Variants in PCDHGA12 observed in about 807,000 individuals in gnomAD.
The protein encoded by PCDHGA12 is protocadherin gamma-A12.
A neutral mutation model predicts 61.1 loss-of-function variants in PCDHGA12; 43 were observed. The ratio of observed to expected loss-of-function variants is 0.70; its 90% CI spans 0.55 to 0.91. The LOEUF (loss-of-function observed/expected upper bound fraction) is 0.91. Ranked by LOEUF, PCDHGA12 falls within the 40% of genes least tolerant of loss-of-function variation. PCDHGA12 has a pLI of 0.00. For missense variants in PCDHGA12, 1,236 were observed against 1,227.7 expected (o/e 1.01, Z -0.10); for synonymous variants, 520 against 542.9 (o/e 0.96, Z 0.59).
intron 1 of PCDHGA12, among the ~76,000 whole-genome samples, chr5:141,460,653 G>A (rs10058370): frequency 0.17 from 25,559 of 151,914 alleles, 2,196 homozygotes; most frequent in South Asian, 0.22. Flanking sequence ...TTACACATAT[G>A]TAACTGTAAA....
rs2099183566 is a variant in PCDHGA12, at chr5:141,468,861, A to G, written c.2425-25946A>G. 3.9e-5 allele frequency among the ~76,000 whole-genome samples: 6 copies of G among 152,168 alleles called. No homozygotes were observed. In the South Asian group the frequency reaches 1.2e-3, roughly 32 times the overall value. On this transcript the variant is annotated intron_variant, in intron 1 of 3. Coordinates refer to ENST00000252085, the MANE Select transcript of PCDHGA12 (RefSeq NM_003735.3). ...AGCCTGGGCAACAGAGCGAGACTCCATCTCAAAAATAATAATAATAATAAT... is the reference window on the plus strand; with the variant it reads ...AGCCTGGGCAACAGAGCGAGACTCCGTCTCAAAAATAATAATAATAATAAT...
chr5:141,448,211 T>TA (rs2098575794), intron 1 of PCDHGA12, among the ~76,000 whole-genome samples: 1 of 152,212 alleles, frequency 6.6e-6, no homozygotes, highest in East Asian at 1.9e-4. Flanking sequence ...TTTCTGTGTG[T>TA]ATGCGAATGT....
chr5:141,482,758 T>TGC (rs1413945459), intron 1 of PCDHGA12, among the ~76,000 whole-genome samples: 74 of 141,724 alleles, frequency 5.2e-4, no homozygotes, highest in African/African-American at 9.9e-4. Flanking sequence ...ATTATGGTAT[T>TGC]TCATTATCAC....
Position 141,432,427 on chromosome 5 carries a change from C to T in PCDHGA12, c.1668C>T (p.Asn556=), listed in dbSNP as rs775150918. 2.2e-5 allele frequency: 36 copies of T among 1,614,124 alleles called. No homozygotes were observed. The highest frequency in any genetic ancestry group is 3.1e-5 in the Non-Finnish European group (36 of 1,180,044). ...VSLSLFVLDQ[N]DNAPEILYPA... ...TGAGCCTGTTCGTGCTGGACCAGAA[C>T]GACAATGCGCCCGAGATCCTGTACC... The change falls in exon 1 of 4, where the codon AAC becomes AAT. Residue 556 remains asparagine (N), a synonymous_variant. Transcript: ENST00000252085. This position sits in a 1 kb window ranked among gnomAD's most constrained non-coding sequence, Gnocchi z 6.0.
chr5:141,448,329 A>T (rs1166759766), intron 1 of PCDHGA12, among the ~76,000 whole-genome samples: 1 of 152,146 alleles, frequency 6.6e-6, no homozygotes, highest in Non-Finnish European at 1.5e-5. Context: ...TTGAATCTTT[A>T]TAGCCATGTA....
rs1370450155 is a variant in PCDHGA12, at chr5:141,431,480, G to T, written c.721G>T (p.Ala241Ser). Residue 241 changes from alanine to serine, a missense_variant, in exon 1 of 4, where the codon GCG (alanine) becomes TCG (serine). Physicochemically the swap from Ala to Ser is moderately conservative, Grantham distance 99. Coordinates refer to ENST00000252085, the MANE Select transcript of PCDHGA12 (RefSeq NM_003735.3). This position sits in a 1 kb window ranked among gnomAD's most constrained non-coding sequence, Gnocchi z 4.8. Reference sequence around the variant, plus strand: ...TCTGGATGCGAACGACAACGCACCAGCGTTTGCTCAGCCCGAGTACCGCGC... The same window carrying T: ...TCTGGATGCGAACGACAACGCACCATCGTTTGCTCAGCCCGAGTACCGCGC... ...MVLDANDNAP[A>S]FAQPEYRASV... 3 of 1,613,924 alleles carry T rather than the reference G, an allele frequency of 1.9e-6. No individual in the cohort carries two copies. Among genetic ancestry groups the T allele is most frequent in the Non-Finnish European group, 2.5e-6 (3 of 1,179,990 alleles).
At chr5:141,496,602 C>A (rs981108050) in intron 2 of PCDHGA12, among the ~76,000 whole-genome samples, 5 of 152,150 alleles carry the variant, frequency 3.3e-5, no homozygotes, top group Admixed American at 1.3e-4. Flanking sequence ...TCTTAGAAGG[C>A]CCCTAAAAAG....
At chr5:141,444,492 T>C (rs1052885639) in intron 1 of PCDHGA12, among the ~76,000 whole-genome samples, 1 of 152,122 alleles carries the variant, frequency 6.6e-6, no homozygotes, top group East Asian at 1.9e-4. Context: ...TTATATTGTG[T>C]AATACTTTGC....
At position 141,491,700 on chromosome 5, in the gene PCDHGA12, G is replaced by A. The variant is rs1199177466; in HGVS notation, c.2425-3107G>A. 3.1e-6 allele frequency: 5 copies of A among 1,611,830 alleles called. No homozygotes were observed. The highest frequency in any genetic ancestry group is 4.2e-6 in the Non-Finnish European group (5 of 1,179,142). On this transcript the variant is annotated intron_variant, in intron 1 of 3. Coordinates refer to ENST00000252085, the MANE Select transcript of PCDHGA12 (RefSeq NM_003735.3). The surrounding 1 kb of genome is among the most constrained non-coding windows in gnomAD (Gnocchi z 6.9). ...CTAATACGCTGCGGGAGCGGAGCCA[G>A]GTGAGGGGCTCGGCGCCGCCCCGGG...
chr5:141,494,742 G>A (rs1223104681), intron 1 of PCDHGA12, 65 bp from the exon 2 acceptor site: 10 of 1,611,946 alleles, frequency 6.2e-6, no homozygotes, highest in Non-Finnish European at 8.5e-6. Context: ...CCCATCCCTA[G>A]GGGCTCGGGT....
intron 2 of PCDHGA12, among the ~76,000 whole-genome samples, chr5:141,499,940 G>A (rs1158937971): frequency 4.0e-5 from 6 of 151,722 alleles, no homozygotes; most frequent in Non-Finnish European, 8.8e-5. Flanking sequence ...CACCCTCCTC[G>A]GCCTCCCAAA....
At chr5:141,469,126 A>T (rs2099191838) in intron 1 of PCDHGA12, among the ~76,000 whole-genome samples, 1 of 151,470 alleles carries the variant, frequency 6.6e-6, no homozygotes, top group African/African-American at 2.4e-5. Context: ...AAATTTAAAA[A>T]TTAGCCAGAA....
At chr5:141,483,329 A>C (rs1463046335) in intron 1 of PCDHGA12, among the ~76,000 whole-genome samples, 3 of 152,182 alleles carry the variant, frequency 2.0e-5, no homozygotes, top group Non-Finnish European at 2.9e-5. Flanking sequence ...GGAGGCAAAG[A>C]GATCTTATCT....
At chr5:141,443,169 T>C (rs946262743) in intron 1 of PCDHGA12, among the ~76,000 whole-genome samples, 2 of 152,170 alleles carry the variant, frequency 1.3e-5, no homozygotes, top group Non-Finnish European at 2.9e-5. Flanking sequence ...TCCCTACCCA[T>C]GTCCACTGCA....
At position 141,476,606 on chromosome 5, in the gene PCDHGA12, G is replaced by T. The variant is rs2099394832; in HGVS notation, c.2425-18201G>T. The stretch of plus-strand genomic sequence containing the variant: ...GCTCGAGAGCGCGCACGATCCCGAT[G>T]TGGGAAGCAACTCTTTACAAACCTA... On this transcript the variant is annotated intron_variant, in intron 1 of 3. Transcript: ENST00000252085. The surrounding 1 kb of genome is among the most constrained non-coding windows in gnomAD (Gnocchi z 7.6). The T allele has an allele frequency of 1.9e-6, 3 of 1,614,126 alleles. No individual in the cohort carries two copies. Among genetic ancestry groups the T allele is most frequent in the Non-Finnish European group, 1.7e-6 (2 of 1,180,054 alleles).
At chr5:141,484,047 TC>T (rs1351554084) in intron 1 of PCDHGA12, among the ~76,000 whole-genome samples, 1 of 151,912 alleles carries the variant, frequency 6.6e-6, no homozygotes, top group African/African-American at 2.4e-5. Context: ...CTCCAAGAGG[TC>T]CCCTGGGGCT....
At chr5:141,464,218 T>C (rs1464478430) in intron 1 of PCDHGA12, among the ~76,000 whole-genome samples, 1 of 150,958 alleles carries the variant, frequency 6.6e-6, no homozygotes, top group Non-Finnish European at 1.5e-5. Flanking sequence ...TGAGCTGAGA[T>C]TGCGCCACTG....
rs2099883798 is a variant in PCDHGA12, at chr5:141,511,451, AT to A, written c.*281del. On this transcript the variant is annotated 3_prime_UTR_variant, in exon 4 of 4. Transcript: ENST00000252085. ...GGGGTTACTGTAGACACCAAGAACC[AT>A]TTGCCACACCCCGTTTAGTTACAGC... The A allele has an allele frequency of 3.3e-6, 2 of 606,372 alleles. No individual in the cohort carries two copies. Among genetic ancestry groups the A allele is most frequent in the African/African-American group, 1.9e-5 (1 of 53,734 alleles). 37.6% of individuals were successfully genotyped at this position (606,372 alleles called of 1,614,324 possible).
chr5:141,481,679 C>T (rs2099541734), intron 1 of PCDHGA12, among the ~76,000 whole-genome samples: 1 of 151,948 alleles, frequency 6.6e-6, no homozygotes, highest in Non-Finnish European at 1.5e-5. Context: ...TCAGGCCGGG[C>T]CTGGTGGCTC....
Sources: gnomAD v4.1 joint callset for allele counts (sites outside exome capture counted in the v4.1 genomes callset) on GRCh38, gnomAD v4.1.1 for gene constraint, Gnocchi (gnomAD v3.1) non-coding constraint, MANE v1.5 for transcripts, NCBI Gene and HGNC (gene_info 2026-07-23, HGNC 2026-07-21) for gene names.